PPP2R2C: variants seen among roughly 807,000 people sequenced by gnomAD.
PPP2R2C encodes protein phosphatase 2 regulatory subunit Bgamma, also known as protein phosphatase 2, regulatory subunit B, gamma.
PPP2R2C carries 10 observed loss-of-function variants against 45.3 expected under a neutral mutation model. The ratio of observed to expected loss-of-function variants is 0.22; its 90% CI spans 0.14 to 0.37. The LOEUF is 0.37. Ranked by LOEUF, PPP2R2C falls within the 10% of genes least tolerant of loss-of-function variation. PPP2R2C has a pLI of 1.00. For synonymous variants in PPP2R2C, 257 were observed against 245.4 expected (o/e 1.05, Z -0.44); for missense variants, 308 against 619.7 (o/e 0.50, Z 5.34).
chr4:6,509,726 A>C (rs1723364913), intron 2 of PPP2R2C, among the ~76,000 whole-genome samples: 1 of 152,202 alleles, frequency 6.6e-6, no homozygotes, highest in Non-Finnish European at 1.5e-5. Flanking sequence ...CACTCATGGA[A>C]TGCCTGTGAG....
At position 6,333,774 on chromosome 4, in the gene PPP2R2C, G is replaced by A. The variant is rs150905000; in HGVS notation, c.791-43C>T. On this transcript the variant is annotated intron_variant, in intron 6 of 8. Coordinates refer to ENST00000382599, the MANE Select transcript of PPP2R2C (RefSeq NM_020416.4). ...CAATGGCCGTCACTGCGCTGCTCCC[G>A]CCCATGGGGTTGGCACGACGGATGA... is the stretch of plus-strand genomic sequence containing the variant. The A allele has an allele frequency of 4.6e-3, 7,433 of 1,608,782 alleles. 26 individuals carry two copies. The highest frequency in any genetic ancestry group is 6.2e-3 in the Middle Eastern group (37 of 6,010).
At chr4:6,385,975 G>A (rs987946954) in intron 1 of PPP2R2C, among the ~76,000 whole-genome samples, 12 of 152,284 alleles carry the variant, frequency 7.9e-5, no homozygotes, top group Middle Eastern at 3.4e-3. Flanking sequence ...AGGAAACAGC[G>A]CCGCACTATG....
chr4:6,381,417 A>G lies in PPP2R2C; in HGVS notation c.71-323T>C, dbSNP rs1039091433. 7.8e-6 allele frequency: 11 copies of G among 1,412,390 alleles called. No individual in the cohort carries two copies. In the African/African-American group the frequency reaches 1.6e-4, roughly 20 times the overall value. The allele number at this position is 1,412,390 out of a possible 1,614,324, so 87.5% of individuals were successfully genotyped here. ...CACGGTGGTATCTGAAGCCACCTGG[A>G]TGTGGCCTCATCCTCCTGTCTTGAA... is the stretch of plus-strand genomic sequence containing the variant. On this transcript the variant is annotated intron_variant, in intron 1 of 8. Coordinates refer to ENST00000382599, the MANE Select transcript of PPP2R2C (RefSeq NM_020416.4).
chr4:6,378,815 T>C lies in PPP2R2C; in HGVS notation c.169-243A>G, dbSNP rs1194527847. Among the ~76,000 whole-genome samples, 1 of 152,012 alleles carries C rather than the reference T, an allele frequency of 6.6e-6. No individual in the cohort carries two copies. On this transcript the variant is annotated intron_variant, in intron 2 of 8. Transcript: ENST00000382599. The surrounding 1 kb of genome is among the most constrained non-coding windows in gnomAD (Gnocchi z 5.2). ...ACACCCGAGCCGGCTAACTTGCTAA[T>C]GCGAATGTTCCCCAGCGCCTGCTAC...
At chr4:6,554,922 GGAAGGAAGGAAA>G (rs1209487379) in intron 1 of PPP2R2C, among the ~76,000 whole-genome samples, 44 of 93,482 alleles carry the variant, frequency 4.7e-4, no homozygotes, top group Non-Finnish European at 6.4e-4. Flanking sequence ...AAGGAAGGAA[GGAAGGAAGGAAA>G]GAAAGAAAGA....
intron 2 of PPP2R2C, among the ~76,000 whole-genome samples, chr4:6,496,293 T>C (rs1228724768): frequency 2.0e-5 from 3 of 152,228 alleles, no homozygotes; most frequent in African/African-American, 7.2e-5. Flanking sequence ...AAGAAACACA[T>C]TCATAGTGTG....
At position 6,422,370 on chromosome 4, in the gene PPP2R2C, C is replaced by T. The variant is rs548201146; in HGVS notation, c.71-41276G>A. On this transcript the variant is annotated intron_variant, in intron 1 of 8. Transcript: ENST00000382599. ...CCGCCAGCAAGCCCTGTGGCTCCGG[C>T]AAACGAGTTCACCTCTCTGAGCCTC... Among the ~76,000 whole-genome samples, 3 of 152,356 alleles carry T rather than the reference C, an allele frequency of 2.0e-5. No individual in the cohort carries two copies. In the East Asian group the frequency reaches 5.8e-4, roughly 29 times the overall value.
chr4:6,349,016 C>T lies in PPP2R2C; in HGVS notation c.626-1006G>A, dbSNP rs560361355. On this transcript the variant is annotated intron_variant, in intron 5 of 8. Transcript: ENST00000382599. ...GCTGGATTCAGCCTCACAACCTCCCCGGCCCCAGCACCTGCTCTTTTCCTA... is the reference window on the plus strand; with the variant it reads ...GCTGGATTCAGCCTCACAACCTCCCTGGCCCCAGCACCTGCTCTTTTCCTA... 5.3e-4 allele frequency: 521 copies of T among 985,288 alleles called. 6 individuals are homozygous for T. In the Admixed American group the frequency reaches 7.6e-3, roughly 14 times the overall value. The allele number at this position is 985,288 out of a possible 1,614,324, so 61.0% of individuals were successfully genotyped here.
rs59598142 is a variant in PPP2R2C at position 6,354,872 on chromosome 4, C to T, written c.626-6862G>A. On this transcript the variant is annotated intron_variant, in intron 5 of 8. Coordinates refer to ENST00000382599, the MANE Select transcript of PPP2R2C (RefSeq NM_020416.4). ...CCCTTAGAAGAAGCTGCAGGTTGTG[C>T]GCACGGAGGAGGTGTCCAATCAACC... Among the ~76,000 whole-genome samples, 496 of 152,212 alleles carry T rather than the reference C, an allele frequency of 3.3e-3. 5 individuals carry two copies. Among genetic ancestry groups the T allele is most frequent in the African/African-American group, 0.011 (476 of 41,520 alleles).
chr4:6,329,448 G>T lies in PPP2R2C; in HGVS notation c.961-95C>A. The T allele has an allele frequency of 9.4e-7, 1 of 1,061,398 alleles. No homozygotes were observed. The highest frequency in any genetic ancestry group is 1.4e-6 in the Non-Finnish European group (1 of 690,752). 65.7% of individuals were successfully genotyped at this position (1,061,398 alleles called of 1,614,324 possible). A position where few individuals can be genotyped will look rare whatever the true frequency, so the allele number is the denominator to read the frequency against. Reference sequence around the variant, plus strand: ...CTCAAAGAGCAGCGAGGGTCTGCATGCCCTGACATGGCCCAGCGCAGACCT... The same window carrying T: ...CTCAAAGAGCAGCGAGGGTCTGCATTCCCTGACATGGCCCAGCGCAGACCT... On this transcript the variant is annotated intron_variant, in intron 7 of 8. Coordinates refer to ENST00000382599, the MANE Select transcript of PPP2R2C (RefSeq NM_020416.4). This position sits in a 1 kb window ranked among gnomAD's most constrained non-coding sequence, Gnocchi z 5.8.
In PPP2R2C at chr4:6,472,405, C is replaced by CGGGGGCG; in HGVS notation, c.-177_-176insCGCCCCC. ...ACGGGCGGGGGCGGCCGGGGGCGGGCGCCGCGGTCAAGCGAGCGCGCGGTG... is the reference window on the plus strand; with the variant it reads ...ACGGGCGGGGGCGGCCGGGGGCGGGCGGGGGCGGCCGCGGTCAAGCGAGCGCGCGGTG... On this transcript the variant is annotated 5_prime_UTR_variant, in exon 1 of 9. Coordinates refer to ENST00000382599, the MANE Select transcript of PPP2R2C (RefSeq NM_020416.4). 1.2e-6 allele frequency: 1 copy of CGGGGGCG among 867,566 alleles called. No homozygotes were observed. Among genetic ancestry groups the CGGGGGCG allele is most frequent in the Non-Finnish European group, 1.4e-6 (1 of 724,278 alleles). The allele number at this position is 867,566 out of a possible 1,614,324, so 53.7% of individuals were successfully genotyped here.
intron 4 of PPP2R2C, among the ~76,000 whole-genome samples, chr4:6,375,125 G>T (rs1026944000): frequency 6.6e-6 from 1 of 152,174 alleles, no homozygotes; most frequent in African/African-American, 2.4e-5. Context: ...TCTTGGGACG[G>T]GGGGTGGGGC....
chr4:6,546,852 T>C (rs1725003322), intron 1 of PPP2R2C, among the ~76,000 whole-genome samples: 1 of 152,042 alleles, frequency 6.6e-6, no homozygotes. Context: ...AAGCGGGGGC[T>C]CTGCCGAGGG....
At chr4:6,493,858 A>G (rs4554149) in intron 2 of PPP2R2C, among the ~76,000 whole-genome samples, 142,257 of 152,240 alleles carry the variant, frequency 0.93, 67,230 homozygotes, top group East Asian at 1. Context: ...TTAAAATCAC[A>G]CAGCCTCGGT....
At chr4:6,546,897 A>C (rs949316662) in intron 1 of PPP2R2C, among the ~76,000 whole-genome samples, 1 of 152,206 alleles carries the variant, frequency 6.6e-6, no homozygotes, top group Non-Finnish European at 1.5e-5. Flanking sequence ...GTGGGGACAA[A>C]AGATGGAAGA....
At chr4:6,527,991 T>A (rs2108819678) in intron 2 of PPP2R2C, among the ~76,000 whole-genome samples, 1 of 152,256 alleles carries the variant, frequency 6.6e-6, no homozygotes, top group Non-Finnish European at 1.5e-5. Context: ...TCCCAGCAAC[T>A]CCACTTATAG....
At chr4:6,372,463 C>T in intron 5 of PPP2R2C, 60 bp downstream of exon 5, 8 of 1,560,698 alleles carry the variant, frequency 5.1e-6, no homozygotes, top group Admixed American at 1.7e-5. Context: ...ACCAAACCCA[C>T]CACCCAACGG....
chr4:6,395,988 G>T (rs1014434736), intron 1 of PPP2R2C, among the ~76,000 whole-genome samples: 1 of 152,208 alleles, frequency 6.6e-6, no homozygotes, highest in African/African-American at 2.4e-5. Flanking sequence ...CTTTGGAGAT[G>T]TTCCTGTCCT....
At position 6,378,653 on chromosome 4, in the gene PPP2R2C, C is replaced by G; in HGVS notation, c.169-81G>C. The G allele has an allele frequency of 6.8e-7, 1 of 1,461,610 alleles. No individual in the cohort carries two copies. Among genetic ancestry groups the G allele is most frequent in the South Asian group, 1.3e-5 (1 of 75,640 alleles). The allele number at this position is 1,461,610 out of a possible 1,614,324, so 90.5% of individuals were successfully genotyped here. A position where few individuals can be genotyped will look rare whatever the true frequency, so the allele number is the denominator to read the frequency against. ...AGGACCTCCGGGGACCCAGCAGGGC[C>G]GGCCGTGGGACCAAGTGCCGAGCCG... is the stretch of plus-strand genomic sequence containing the variant. On this transcript the variant is annotated intron_variant, in intron 2 of 8. Transcript: ENST00000382599. The surrounding 1 kb of genome is among the most constrained non-coding windows in gnomAD (Gnocchi z 5.2).
Sources: allele counts gnomAD v4.1 joint callset (sites outside exome capture counted in the v4.1 genomes callset), GRCh38; gene constraint gnomAD v4.1.1; non-coding constraint Gnocchi (gnomAD v3.1); transcripts MANE v1.5; gene names NCBI Gene and HGNC (gene_info 2026-07-23, HGNC 2026-07-21).